The following SEMA3C variants were observed in gnomAD, a reference collection of about 807,000 sequenced individuals.
The protein encoded by SEMA3C is semaphorin 3C.
In SEMA3C, 47 loss-of-function variants were observed where a neutral mutation model predicts 89.4. That is an observed-to-expected ratio of 0.53 (90% CI 0.42 to 0.67). SEMA3C has a LOEUF of 0.67. SEMA3C is among the 30% of genes least tolerant of loss of function. The pLI, the probability that SEMA3C is intolerant of heterozygous loss-of-function variation, is 0.00. For missense variants in SEMA3C, 839 were observed against 929.1 expected (o/e 0.90, Z 1.26); for synonymous variants, 310 against 320.2 (o/e 0.97, Z 0.34).
intron 12 of SEMA3C, among the ~76,000 whole-genome samples, chr7:80,785,836 G>A (rs1168038383): frequency 1.3e-5 from 2 of 152,160 alleles, no homozygotes; most frequent in African/African-American, 2.4e-5. Context: ...TCAAACTCCC[G>A]ACCTCAGGTG....
chr7:80,803,421 G>T (rs1340831094), intron 8 of SEMA3C, among the ~76,000 whole-genome samples: 1 of 152,104 alleles, frequency 6.6e-6, no homozygotes, highest in Non-Finnish European at 1.5e-5. Context: ...AAACAGTTGA[G>T]CTCCATGATC....
At position 80,745,003 on chromosome 7, in the gene SEMA3C, T is replaced by C. The variant is rs760053959; in HGVS notation, c.2147A>G (p.His716Arg). 1.2e-6 allele frequency: 2 copies of C among 1,614,134 alleles called. No individual in the cohort carries two copies. Among genetic ancestry groups the C allele is most frequent in the East Asian group, 2.2e-5 (1 of 44,882 alleles). The change falls in exon 18 of 18, where the codon CAT becomes CGT. Residue 716 changes from histidine (H) to arginine (R), a missense_variant. Transcript: ENST00000265361. ...NQYCKDTRQQ[H>R]QQGDESQKMR... ...TTTCTGTGATTCATCTCCCTGCTGA[T>C]GTTGCTGCCGAGTGTCTTTGCAATA...
intron 2 of SEMA3C, among the ~76,000 whole-genome samples, chr7:80,848,464 C>T (rs765870985): frequency 1.4e-4 from 22 of 152,130 alleles, no homozygotes; most frequent in Non-Finnish European, 1.8e-4. Flanking sequence ...ACTTGACCAC[C>T]TTCATGCCTA....
At chr7:80,862,481 G>A (rs1790795966) in intron 2 of SEMA3C, among the ~76,000 whole-genome samples, 1 of 152,042 alleles carries the variant, frequency 6.6e-6, no homozygotes, top group Non-Finnish European at 1.5e-5. Context: ...GCTCATGGAT[G>A]GGTAGAATCA....
chr7:80,887,273 CAATT>C (rs1183349275), intron 2 of SEMA3C, among the ~76,000 whole-genome samples: 3 of 152,162 alleles, frequency 2.0e-5, no homozygotes, highest in South Asian at 4.2e-4. Flanking sequence ...GTATTCAAAA[CAATT>C]AATTCAATTT....
At chr7:80,848,734 T>C (rs1790445242) in intron 2 of SEMA3C, among the ~76,000 whole-genome samples, 1 of 152,178 alleles carries the variant, frequency 6.6e-6, no homozygotes, top group Non-Finnish European at 1.5e-5. Flanking sequence ...TGAGAGCATC[T>C]TTCTCTCCAT....
intron 2 of SEMA3C, among the ~76,000 whole-genome samples, chr7:80,874,863 G>A (rs569809593): frequency 3.9e-5 from 6 of 152,072 alleles, no homozygotes; most frequent in South Asian, 2.1e-4. Context: ...GGTGGAGCAC[G>A]TGAGGTCAGG....
At chr7:80,879,126 T>C (rs1791273668) in intron 2 of SEMA3C, among the ~76,000 whole-genome samples, 1 of 151,764 alleles carries the variant, frequency 6.6e-6, no homozygotes, top group African/African-American at 2.4e-5. Flanking sequence ...AAATACCAGA[T>C]ACAGAAATGC....
intron 2 of SEMA3C, among the ~76,000 whole-genome samples, chr7:80,881,252 T>C (rs1036275023): frequency 2.7e-5 from 4 of 150,566 alleles, no homozygotes; most frequent in African/African-American, 9.8e-5. Flanking sequence ...AACCAAGAAG[T>C]CAATAAGACC....
chr7:80,843,819 T>C (rs2115893109), intron 2 of SEMA3C, among the ~76,000 whole-genome samples: 1 of 152,126 alleles, frequency 6.6e-6, no homozygotes, highest in Non-Finnish European at 1.5e-5. Context: ...CTAAGAAAAA[T>C]AATTTTTATT....
At chr7:80,785,955 A>T (rs1477835143) in intron 12 of SEMA3C, among the ~76,000 whole-genome samples, 1 of 152,152 alleles carries the variant, frequency 6.6e-6, no homozygotes, top group Non-Finnish European at 1.5e-5. Context: ...GACTCAGGTA[A>T]ATTGAAATCA....
At chr7:80,799,926 C>T (rs539519045) in intron 10 of SEMA3C, among the ~76,000 whole-genome samples, 7 of 150,234 alleles carry the variant, frequency 4.7e-5, no homozygotes, top group South Asian at 4.2e-4. Flanking sequence ...CTGAGGCTGG[C>T]GGATCACGAG....
Position 80,789,422 on chromosome 7 carries a change from G to A in SEMA3C, c.1238C>T (p.Pro413Leu). 5 of 1,614,004 alleles carry A rather than the reference G, an allele frequency of 3.1e-6. No homozygotes were observed. The highest frequency in any genetic ancestry group is 4.2e-6 in the Non-Finnish European group (5 of 1,179,928). Residue 413 changes from proline (P) to leucine (L), a missense_variant, in exon 12 of 18, where the codon CCA (proline) becomes CTA (leucine). Transcript: ENST00000265361. Reference protein sequence around the residue: ...NHPLMYNSIYPIHKRPLIVRI... With the variant: ...NHPLMYNSIYLIHKRPLIVRI... ...AACAATCAAAGGCCTTTTGTGGATT[G>A]GGTAGATGGAATTGTACATGAGAGG...
chr7:80,919,055 TG>T, upstream of SEMA3C: 3 of 985,184 alleles, frequency 3.0e-6, no homozygotes, highest in Non-Finnish European at 3.6e-6. Flanking sequence ...TCGGAGTGAA[TG>T]GAAAGTGGCC....
chr7:80,838,752 G>C (rs1343215978), intron 2 of SEMA3C, among the ~76,000 whole-genome samples: 1 of 152,098 alleles, frequency 6.6e-6, no homozygotes, highest in Non-Finnish European at 1.5e-5. Context: ...GAAAGAGAAA[G>C]AGCAAGAAAG....
intron 12 of SEMA3C, among the ~76,000 whole-genome samples, chr7:80,779,342 T>A (rs1017321010): frequency 4.0e-5 from 6 of 151,892 alleles, no homozygotes; most frequent in South Asian, 2.1e-4. Context: ...CCATTTATTT[T>A]AAAAAAAAGG....
chr7:80,866,361 A>T (rs1790926445), intron 2 of SEMA3C, among the ~76,000 whole-genome samples: 1 of 152,136 alleles, frequency 6.6e-6, no homozygotes, highest in South Asian at 2.1e-4. Flanking sequence ...TAAAAACCAT[A>T]CTTTAAGAGT....
chr7:80,849,784 G>T (rs1053220272), intron 2 of SEMA3C, among the ~76,000 whole-genome samples: 9 of 152,006 alleles, frequency 5.9e-5, no homozygotes, highest in Admixed American at 3.3e-4. Context: ...AAATCATAAA[G>T]AAAAGAATGA....
At chr7:80,920,949 G>T (rs934933050), upstream of SEMA3C, among the ~76,000 whole-genome samples, 1 of 152,138 alleles carries the variant, frequency 6.6e-6, no homozygotes, top group Non-Finnish European at 1.5e-5. Flanking sequence ...TGAGTGTGTG[G>T]ATTAAATTAA....
Sources: gnomAD v4.1 joint callset for allele counts (sites outside exome capture counted in the v4.1 genomes callset) on GRCh38, gnomAD v4.1.1 for gene constraint, MANE v1.5 for transcripts, NCBI Gene and HGNC (gene_info 2026-07-23, HGNC 2026-07-21) for gene names.